FBXW8: variants seen among roughly 807,000 people sequenced by gnomAD.
The protein encoded by FBXW8 is F-box and WD repeat domain containing 8.
FBXW8 carries 57 observed loss-of-function variants against 65.3 expected under a neutral mutation model. The observed-to-expected ratio is 0.87, with a 90% CI of 0.71 to 1.09. FBXW8 has a LOEUF of 1.09. Ranked by LOEUF, FBXW8 falls within the 50% of genes least tolerant of loss-of-function variation. The pLI is 0.00. For missense variants in FBXW8, 777 were observed against 814.8 expected, an observed-to-expected ratio of 0.95 and a Z score of 0.57; for synonymous variants, 308 against 330.2, an observed-to-expected ratio of 0.93 and a Z score of 0.73.
chr12:116,948,546 G>A (rs563679790), intron 3 of FBXW8, among the ~76,000 whole-genome samples: 14 of 152,162 alleles, frequency 9.2e-5, no homozygotes, highest in Non-Finnish European at 1.8e-4. Flanking sequence ...AATAATAATG[G>A]CTACCACTTA....
chr12:116,993,491 A>ATG (rs1953303237), intron 7 of FBXW8, among the ~76,000 whole-genome samples: 1 of 152,048 alleles, frequency 6.6e-6, no homozygotes, highest in African/African-American at 2.4e-5. Context: ...ATGATTAGTG[A>ATG]TGTTAAGCAT....
At position 116,961,018 on chromosome 12, in the gene FBXW8, G is replaced by C. The variant is rs576627638; in HGVS notation, c.678-3679G>C. ...TTGATGCCTGGTTCTATCCCCAAAT[G>C]GTCAGATTTATTTGGTCTGGGAGGC... On this transcript the variant is annotated intron_variant, in intron 4 of 10. Transcript: ENST00000652555. The surrounding 1 kb of genome is among the most constrained non-coding windows in gnomAD (Gnocchi z 4.4). Among the ~76,000 whole-genome samples the C allele has an allele frequency of 6.6e-6, 1 of 152,144 alleles. No individual in the cohort carries two copies. Among genetic ancestry groups the C allele is most frequent in the Admixed American group, 6.5e-5 (1 of 15,282 alleles).
intron 7 of FBXW8, among the ~76,000 whole-genome samples, chr12:117,006,884 G>A (rs1057423420): frequency 6.6e-6 from 1 of 152,176 alleles, no homozygotes; most frequent in African/African-American, 2.4e-5. Flanking sequence ...ATGGAGTTGT[G>A]TATCCACAGA....
chr12:116,911,444 G>A, intron 1 of FBXW8, 89 bp downstream of exon 1: 1 of 936,376 alleles, frequency 1.1e-6, no homozygotes, highest in Non-Finnish European at 1.4e-6. Flanking sequence ...GAGTAACTGT[G>A]TGCCACTAGT....
At chr12:116,975,695 T>TG (rs1389654219) in intron 5 of FBXW8, among the ~76,000 whole-genome samples, 1 of 152,208 alleles carries the variant, frequency 6.6e-6, no homozygotes, top group Admixed American at 6.5e-5. Flanking sequence ...ATGTACCTCC[T>TG]GATACATAAT....
chr12:116,999,343 G>A (rs1452331343), intron 7 of FBXW8, among the ~76,000 whole-genome samples: 1 of 152,200 alleles, frequency 6.6e-6, no homozygotes, highest in Non-Finnish European at 1.5e-5. Flanking sequence ...AGGGACGTGG[G>A]ATGACCGACT....
intron 4 of FBXW8, among the ~76,000 whole-genome samples, chr12:116,958,328 A>G (rs1883781277): frequency 6.6e-6 from 1 of 152,220 alleles, no homozygotes; most frequent in African/African-American, 2.4e-5. Flanking sequence ...GAAATACCAA[A>G]GAAGCAAAGG....
chr12:116,972,372 A>T (rs550952712), intron 5 of FBXW8, among the ~76,000 whole-genome samples: 1 of 152,328 alleles, frequency 6.6e-6, no homozygotes, highest in South Asian at 2.1e-4. Context: ...TTTCCCTTTC[A>T]CTATGTGCAG....
At chr12:117,022,827 C>G (rs1413504565) in intron 8 of FBXW8, among the ~76,000 whole-genome samples, 1 of 152,124 alleles carries the variant, frequency 6.6e-6, no homozygotes, top group African/African-American at 2.4e-5. Flanking sequence ...ATTGCAACAT[C>G]TTTTCATCCT....
chr12:116,951,864 C>A (rs1442815411), intron 4 of FBXW8, among the ~76,000 whole-genome samples: 1 of 152,160 alleles, frequency 6.6e-6, no homozygotes, highest in Non-Finnish European at 1.5e-5. Context: ...ACTCAAATAC[C>A]CATCATGTGA....
At chr12:116,942,653 C>T (rs1217294191) in intron 2 of FBXW8, among the ~76,000 whole-genome samples, 13 of 151,886 alleles carry the variant, frequency 8.6e-5, no homozygotes, top group Non-Finnish European at 1.6e-4. Context: ...GGATTACAGG[C>T]GTGAGCCACT....
At chr12:116,925,282 C>G (rs1228389645) in intron 1 of FBXW8, among the ~76,000 whole-genome samples, 2 of 151,980 alleles carry the variant, frequency 1.3e-5, no homozygotes, top group East Asian at 3.9e-4. Context: ...GCTTGTTTGG[C>G]CAAAGGCATT....
At chr12:116,919,643 C>A (rs367872830) in intron 1 of FBXW8, among the ~76,000 whole-genome samples, 1 of 152,214 alleles carries the variant, frequency 6.6e-6, no homozygotes, top group Non-Finnish European at 1.5e-5. Flanking sequence ...CCTTACTGTT[C>A]TAACTCCACC....
chr12:117,017,866 G>A (rs550895917), intron 8 of FBXW8, among the ~76,000 whole-genome samples: 7 of 152,196 alleles, frequency 4.6e-5, no homozygotes, highest in African/African-American at 1.2e-4. Context: ...TAGGAAGCAC[G>A]CCCTGAGTTG....
intron 5 of FBXW8, chr12:116,978,993 C>T (rs747600838): frequency 2.0e-5 from 3 of 152,058 alleles, no homozygotes; most frequent in Non-Finnish European, 4.4e-5. Context: ...TTTGTGCACA[C>T]AAACAGAAGC....
rs1485356050 is a variant in FBXW8, at chr12:116,967,010, C to T, written c.835+2156C>T. 2.6e-5 allele frequency among the ~76,000 whole-genome samples: 4 copies of T among 151,272 alleles called. No homozygotes were observed. The South Asian group carries it at 8.4e-4, about 32-fold the overall frequency. On this transcript the variant is annotated intron_variant, in intron 5 of 10. Coordinates refer to ENST00000652555, the MANE Select transcript of FBXW8 (RefSeq NM_153348.3). ...TTTAAATTCTTTTTTTTTTTAAAGT[C>T]ATAGTTAGAATTCAAACAGAGCAAA... is the stretch of plus-strand genomic sequence containing the variant.
At chr12:116,985,549 AT>A in intron 6 of FBXW8, 147 bp downstream of exon 6, 2 of 738,764 alleles carry the variant, frequency 2.7e-6, no homozygotes, top group Non-Finnish European at 4.3e-6. Context: ...GCCTTACAAA[AT>A]AGGTAGTAGC....
At chr12:116,993,106 T>TC (rs1410175327) in intron 7 of FBXW8, among the ~76,000 whole-genome samples, 2 of 139,724 alleles carry the variant, frequency 1.4e-5, no homozygotes, top group African/African-American at 5.3e-5. Flanking sequence ...GACTTTTTTT[T>TC]TTTTTTTTTT....
intron 5 of FBXW8, among the ~76,000 whole-genome samples, chr12:116,971,219 C>T (rs1014255293): frequency 1.3e-5 from 2 of 151,972 alleles, no homozygotes; most frequent in African/African-American, 4.8e-5. Flanking sequence ...ACTAGCTGGG[C>T]ATGGTGGGGT....
Sources: allele counts gnomAD v4.1 joint callset (sites outside exome capture counted in the v4.1 genomes callset), GRCh38; gene constraint gnomAD v4.1.1; non-coding constraint Gnocchi (gnomAD v3.1); transcripts MANE v1.5; gene names NCBI Gene and HGNC (gene_info 2026-07-23, HGNC 2026-07-21).